Variants in PLCB1 observed in about 807,000 individuals in gnomAD.
PLCB1 encodes the protein 1-phosphatidylinositol 4,5-bisphosphate phosphodiesterase beta-1.
A neutral mutation model predicts 161.8 loss-of-function variants in PLCB1; 46 were observed. The observed-to-expected ratio is 0.28, with a 90% confidence interval of 0.22 to 0.36. The LOEUF (loss-of-function observed/expected upper bound fraction) is 0.36. Among genes scored for constraint, PLCB1 ranks in the 10% least tolerant of loss-of-function variants. PLCB1 has a pLI of 1.00. For missense variants in PLCB1, 1,016 were observed against 1,472.5 expected, an observed-to-expected ratio of 0.69 and a Z score of 5.07; for synonymous variants, 517 against 503.7, an observed-to-expected ratio of 1.03 and a Z score of -0.35.
chr20:8,629,145 C>A (rs1435602622), intron 4 of PLCB1, among the ~76,000 whole-genome samples: 1 of 152,084 alleles, frequency 6.6e-6, no homozygotes, highest in African/African-American at 2.4e-5. Flanking sequence ...ACTTCTTAAT[C>A]CCTGGGCAGC....
chr20:8,237,444 T>G (rs1003481457), intron 2 of PLCB1, among the ~76,000 whole-genome samples: 1 of 152,090 alleles, frequency 6.6e-6, no homozygotes, highest in Non-Finnish European at 1.5e-5. Context: ...TAACAGTGGT[T>G]TTCTCTGTCT....
At chr20:8,660,239 C>T (rs1989585251) in intron 9 of PLCB1, among the ~76,000 whole-genome samples, 1 of 152,030 alleles carries the variant, frequency 6.6e-6, no homozygotes, top group Admixed American at 6.6e-5. Context: ...CCCTCCAAAC[C>T]TACTTAAATA....
chr20:8,340,777 A>G (rs1985779189), intron 2 of PLCB1, among the ~76,000 whole-genome samples: 1 of 152,136 alleles, frequency 6.6e-6, no homozygotes, highest in Admixed American at 6.5e-5. Flanking sequence ...AATTGTTACC[A>G]CCGGCCGAAT....
At chr20:8,794,330 G>A (rs926414383) in intron 31 of PLCB1, among the ~76,000 whole-genome samples, 36 of 152,230 alleles carry the variant, frequency 2.4e-4, no homozygotes, top group African/African-American at 8.4e-4. Context: ...AGAGATTGCA[G>A]TAAAGACAGG....
At chr20:8,373,638 T>G (rs1216275538) in intron 3 of PLCB1, among the ~76,000 whole-genome samples, 1 of 152,222 alleles carries the variant, frequency 6.6e-6, no homozygotes, top group African/African-American at 2.4e-5. Context: ...CTGCCTTAAC[T>G]TACTCTTGGT....
intron 2 of PLCB1, among the ~76,000 whole-genome samples, chr20:8,335,891 G>A (rs950189321): frequency 6.6e-6 from 1 of 152,184 alleles, no homozygotes; most frequent in Non-Finnish European, 1.5e-5. Flanking sequence ...AAGGACTTCT[G>A]GAGAATAGCT....
In PLCB1 at chr20:8,760,442, A is replaced by T. The variant is rs1349361425; in HGVS notation, c.2692A>T (p.Ile898Phe). ...GGCACCTGCCAAAACAGAAGATCTT[A>T]TTCAGAGTGTCTTAACAGGTAAATG... Reference protein sequence around the residue: ...VKAPAKTEDLIQSVLTEVEAQ... With the variant: ...VKAPAKTEDLFQSVLTEVEAQ... The change falls in exon 25 of 32, where the codon ATT becomes TTT. Residue 898 changes from isoleucine (I) to phenylalanine (F), a missense_variant. Ile to Phe is a conservative substitution (Grantham distance 21). This residue lies in a region of PLCB1 where 398 missense variants were observed against 445.4 expected (regional missense o/e 0.89). Coordinates refer to ENST00000338037, the MANE Select transcript of PLCB1 (RefSeq NM_015192.4). The T allele has an allele frequency of 5.6e-6, 9 of 1,611,316 alleles. No homozygotes were observed. Among genetic ancestry groups the T allele is most frequent in the African/African-American group, 1.3e-5 (1 of 75,012 alleles).
chr20:8,196,351 A>G (rs2038549904), intron 2 of PLCB1, among the ~76,000 whole-genome samples: 1 of 152,102 alleles, frequency 6.6e-6, no homozygotes, highest in African/African-American at 2.4e-5. Context: ...ATTATTGAGC[A>G]AGCATTTAGT....
At chr20:8,605,850 T>C (rs1222498675) in intron 3 of PLCB1, among the ~76,000 whole-genome samples, 4 of 147,830 alleles carry the variant, frequency 2.7e-5, no homozygotes, top group Non-Finnish European at 6.1e-5. Flanking sequence ...TTTCTGTCCA[T>C]GTGTACCCAT....
chr20:8,279,124 C>T (rs905045439), intron 2 of PLCB1, among the ~76,000 whole-genome samples: 1 of 152,070 alleles, frequency 6.6e-6, no homozygotes, highest in Admixed American at 6.6e-5. Context: ...AACATAGAAT[C>T]ATCATATGAT....
intron 31 of PLCB1, among the ~76,000 whole-genome samples, chr20:8,853,448 C>G (rs1194144856): frequency 6.6e-6 from 1 of 152,192 alleles, no homozygotes; most frequent in Non-Finnish European, 1.5e-5. Context: ...TTCTGTTTTG[C>G]AACTTTATAT....
intron 3 of PLCB1, among the ~76,000 whole-genome samples, chr20:8,507,538 C>A (rs112306037): frequency 6.6e-6 from 1 of 152,018 alleles, no homozygotes; most frequent in Non-Finnish European, 1.5e-5. Flanking sequence ...CATTTTAAGG[C>A]GTATGTTTTC....
chr20:8,676,953 A>T (rs1990095395), intron 9 of PLCB1, among the ~76,000 whole-genome samples: 1 of 152,222 alleles, frequency 6.6e-6, no homozygotes, highest in African/African-American at 2.4e-5. Context: ...CAGAATGCTA[A>T]TTTTTTCAAT....
intron 23 of PLCB1, among the ~76,000 whole-genome samples, chr20:8,743,991 A>G (rs1428719132): frequency 1.3e-5 from 2 of 152,152 alleles, no homozygotes; most frequent in African/African-American, 4.8e-5. Context: ...ATTAAAGGTA[A>G]AGATAATTTA....
intron 3 of PLCB1, among the ~76,000 whole-genome samples, chr20:8,621,252 A>AT (rs1347156820): frequency 1.5e-4 from 23 of 152,124 alleles, no homozygotes; most frequent in Admixed American, 2.6e-4. Flanking sequence ...GGGCATGTGG[A>AT]TTTTTTATGC....
chr20:8,617,920 A>G (rs1287975916), intron 3 of PLCB1, among the ~76,000 whole-genome samples: 2 of 152,218 alleles, frequency 1.3e-5, no homozygotes, highest in Admixed American at 6.5e-5. Flanking sequence ...AATTAACCAT[A>G]TAGAAAATAT....
intron 31 of PLCB1, among the ~76,000 whole-genome samples, chr20:8,790,739 C>T (rs1176963301): frequency 6.6e-6 from 1 of 152,108 alleles, no homozygotes; most frequent in East Asian, 1.9e-4. Context: ...TCTTTTGTTT[C>T]CCATAGTAAC....
chr20:8,655,762 C>T (rs1344183432), intron 7 of PLCB1, among the ~76,000 whole-genome samples: 1 of 152,006 alleles, frequency 6.6e-6, no homozygotes, highest in Non-Finnish European at 1.5e-5. Context: ...AGTTGGCCAG[C>T]AGTGCCATTG....
chr20:8,198,784 G>T (rs896777118), intron 2 of PLCB1, among the ~76,000 whole-genome samples: 1 of 152,052 alleles, frequency 6.6e-6, no homozygotes, highest in African/African-American at 2.4e-5. Flanking sequence ...AGAACTGAAT[G>T]ATAGTCTTTG....
Sources: allele counts gnomAD v4.1 joint callset (sites outside exome capture counted in the v4.1 genomes callset), GRCh38; gene constraint gnomAD v4.1.1; regional missense constraint gnomAD v4.1.1; transcripts MANE v1.5; gene names NCBI Gene and HGNC (gene_info 2026-07-23, HGNC 2026-07-21).